Variants in DNAH2 observed in about 807,000 individuals in gnomAD.
DNAH2 encodes the protein axonemal beta dynein heavy chain 2.
In DNAH2, 323 loss-of-function variants were observed where a neutral mutation model predicts 523.5. The ratio of observed to expected loss-of-function variants is 0.62; its 90% confidence interval spans 0.56 to 0.68. DNAH2 has a LOEUF of 0.68. Ranked by LOEUF, DNAH2 falls within the 30% of genes least tolerant of loss-of-function variation. The probability of loss-of-function intolerance (pLI) is 0.00; values close to 1 mark genes in which losing one functional copy is unlikely to be tolerated. For missense variants in DNAH2, 4,907 were observed against 5,701.5 expected (o/e 0.86, Z 4.49); for synonymous variants, 2,093 against 2,177.4 (o/e 0.96, Z 1.08).
In DNAH2 at chr17:7,754,719, A is replaced by T; in HGVS notation, c.1905-2372A>T. 8.7e-7 allele frequency: 1 copy of T among 1,144,316 alleles called. No homozygotes were observed. Among genetic ancestry groups the T allele is most frequent in the Non-Finnish European group, 1.3e-6 (1 of 770,504 alleles). The allele number at this position is 1,144,316 out of a possible 1,614,324, so 70.9% of individuals were successfully genotyped here. ...CCTTGGGAAGCTTGCTCGTGCCCGC[A>T]TGGCCAAGGGGCTCAGGCTGTGCCG... On this transcript the variant is annotated intron_variant, in intron 12 of 85. Transcript: ENST00000572933. This position sits in a 1 kb window ranked among gnomAD's most constrained non-coding sequence, Gnocchi z 4.6.
intron 64 of DNAH2, 151 bp from the exon 65 acceptor site, chr17:7,817,139 A>C (rs2151322520): frequency 9.4e-7 from 1 of 1,069,322 alleles, no homozygotes. Flanking sequence ...AATTAGAACC[A>C]GGCTAGAGTT....
At chr17:7,818,871 C>T in intron 70 of DNAH2, 48 bp from the exon 71 acceptor site, 1 of 1,606,602 alleles carries the variant, frequency 6.2e-7, no homozygotes, top group African/African-American at 1.3e-5. Context: ...CCCAGGGAGC[C>T]TGGTCCCGCT....
chr17:7,805,007 A>AG lies in DNAH2; in HGVS notation c.9235dup (p.Ala3079GlyfsTer4). On this transcript the variant is annotated frameshift_variant, in exon 60 of 86. Coordinates refer to ENST00000572933, the MANE Select transcript of DNAH2 (RefSeq NM_020877.5). LOFTEE classifies it high-confidence loss of function. ...ATTGCAGTTGAGGAAATCAAGTGTC[A>AG]GGCACTGGCTGACAATGCCCAGAAA... The AG allele has an allele frequency of 5.6e-6, 9 of 1,614,204 alleles. No homozygotes were observed. The highest frequency in any genetic ancestry group is 7.6e-6 in the Non-Finnish European group (9 of 1,180,034).
At chr17:7,777,763 G>GTTCT in intron 33 of DNAH2, 129 bp downstream of exon 33, 1 of 1,206,668 alleles carries the variant, frequency 8.3e-7, no homozygotes, top group East Asian at 2.3e-5. Context: ...CCCTAATCCG[G>GTTCT]TTCTTCCTTC....
chr17:7,817,113 T>C (rs1027721048), intron 64 of DNAH2, among the ~76,000 whole-genome samples, 177 bp from the exon 65 acceptor site: 2 of 152,124 alleles, frequency 1.3e-5, no homozygotes, highest in African/African-American at 4.8e-5. Context: ...CCATTAGAGA[T>C]AGAGAACTCA....
Position 7,786,412 on chromosome 17 carries a change from C to G in DNAH2, c.6348+70C>G. The G allele has an allele frequency of 2.6e-6, 4 of 1,542,698 alleles. No homozygotes were observed. The South Asian group carries it at 4.7e-5, about 18-fold the overall frequency. ...GTAAGAAGACAATGGAGGGTGGGGG[C>G]CAGGGAGGACCTTGCAAGGCCGGGA... On this transcript the variant is annotated intron_variant, in intron 40 of 85. Transcript: ENST00000572933. This position sits in a 1 kb window ranked among gnomAD's most constrained non-coding sequence, Gnocchi z 7.5.
At position 7,833,099 on chromosome 17, in the gene DNAH2, T is replaced by C. The variant is rs754163503; in HGVS notation, c.13007T>C (p.Leu4336Pro). Residue 4336 changes from leucine to proline, a missense_variant, in exon 85 of 86, where the codon CTG (leucine) becomes CCG (proline). Transcript: ENST00000572933. ...KDGVWVRGLY[L>P]EGAGWDRKNS... ...GGTGTCTGGGTCCGGGGCCTGTACC[T>C]GGAAGGTGCTGGCTGGGACCGGAAG... is the stretch of plus-strand genomic sequence containing the variant. 6 of 1,613,230 alleles carry C rather than the reference T, an allele frequency of 3.7e-6. No homozygotes were observed. Among genetic ancestry groups the C allele is most frequent in the Middle Eastern group, 1.6e-4 (1 of 6,062 alleles).
At position 7,794,752 on chromosome 17, in the gene DNAH2, C is replaced by CTTT. The variant is rs764592403; in HGVS notation, c.7674+412_7674+414dup. On this transcript the variant is annotated intron_variant, in intron 49 of 85. Transcript: ENST00000572933. ...AGGAGAAATAATATGTTAACACTTC[C>CTTT]TTTTTTTTTTTTTTTTTTTTGAGAC... is the stretch of plus-strand genomic sequence containing the variant. 4.2e-3 allele frequency among the ~76,000 whole-genome samples: 528 copies of CTTT among 125,236 alleles called. 10 individuals carry two copies. Among genetic ancestry groups the CTTT allele is most frequent in the African/African-American group, 0.015 (488 of 33,400 alleles). The allele number at this position is 125,236 out of a possible 152,430, so 82.2% of individuals were successfully genotyped here. A position where few individuals can be genotyped will look rare whatever the true frequency, so the allele number is the denominator to read the frequency against.
In DNAH2 at chr17:7,741,232, CTCTCTCTTTCTTTCTTTCTTTCTT is replaced by C. The variant is rs1176520480; in HGVS notation, c.1689+244_1689+267del. On this transcript the variant is annotated intron_variant, in intron 11 of 85. Coordinates refer to ENST00000572933, the MANE Select transcript of DNAH2 (RefSeq NM_020877.5). ...TTCTTCCTTCCTTTCTTTTTTTTCT[CTCTCTCTTTCTTTCTTTCTTTCTT>C]TCTTTCTTTCTTTCTTTCTTTCTTT... Among the ~76,000 whole-genome samples, 16 of 119,438 alleles carry C rather than the reference CTCTCTCTTTCTTTCTTTCTTTCTT, an allele frequency of 1.3e-4. 1 individual carries two copies. The South Asian group carries it at 2.5e-3, about 18-fold the overall frequency. 78.4% of individuals were successfully genotyped at this position (119,438 alleles called of 152,430 possible).
In DNAH2 at chr17:7,824,695, G is replaced by A. The variant is rs765493665; in HGVS notation, c.11821G>A (p.Val3941Ile). The change falls in exon 77 of 86, where the codon GTC becomes ATC. Residue 3941 changes from valine (V) to isoleucine (I), a missense_variant. Physicochemically the swap from Val to Ile is conservative, Grantham distance 29. This residue lies in a region of DNAH2 where 1,851 missense variants were observed against 2,139.4 expected (regional missense o/e 0.87). Transcript: ENST00000572933. ...AGACTTCCCTATCTCAATCTTGCAG[G>A]TCAGCATCAAGATGACCACAGAGCC... Reference protein sequence around the residue: ...HPDFPISILQVSIKMTTEPPK... With the variant: ...HPDFPISILQISIKMTTEPPK... The A allele has an allele frequency of 6.3e-7, 1 of 1,590,762 alleles. No individual in the cohort carries two copies. Among genetic ancestry groups the A allele is most frequent in the Admixed American group, 1.7e-5 (1 of 58,444 alleles).
At chr17:7,815,123 T>C (rs2077623370) in intron 63 of DNAH2, among the ~76,000 whole-genome samples, 1 of 152,228 alleles carries the variant, frequency 6.6e-6, no homozygotes, top group African/African-American at 2.4e-5. Context: ...CCCTCCATGT[T>C]GTTTTAAAGA....
intron 4 of DNAH2, among the ~76,000 whole-genome samples, chr17:7,731,578 A>G (rs1469832069): frequency 6.6e-6 from 1 of 152,156 alleles, no homozygotes; most frequent in Non-Finnish European, 1.5e-5. Context: ...AAAAATATGT[A>G]GAATAATGTT....
Position 7,831,267 on chromosome 17 carries a change from C to G in DNAH2, c.12412C>G (p.Pro4138Ala). 1 of 1,614,138 alleles carries G rather than the reference C, an allele frequency of 6.2e-7. No individual in the cohort carries two copies. Among genetic ancestry groups the G allele is most frequent in the South Asian group, 1.1e-5 (1 of 91,082 alleles). Residue 4138 changes from proline (P) to alanine (A), a missense_variant, in exon 80 of 86, where the codon CCT (proline) becomes GCT (alanine). By Grantham distance (27) the Pro-to-Ala change is conservative (BLOSUM62 -1). Around this residue, in one of 3 missense-constraint regions of DNAH2, gnomAD observed 1,851 missense variants for 2,139.4 expected, o/e 0.87. Coordinates refer to ENST00000572933, the MANE Select transcript of DNAH2 (RefSeq NM_020877.5). The surrounding 1 kb of genome is among the most constrained non-coding windows in gnomAD (Gnocchi z 4.2). The stretch of plus-strand genomic sequence containing the variant: ...CTTTGATACTTTGCTTTCCTTGCAA[C>G]CTCAGATTACACCCACCAGGGCTGG... Reference protein sequence around the residue: ...TLFDTLLSLQPQITPTRAGGQ... With the variant: ...TLFDTLLSLQAQITPTRAGGQ...
chr17:7,794,475 C>A, intron 49 of DNAH2, 117 bp downstream of exon 49: 1 of 870,800 alleles, frequency 1.1e-6, no homozygotes, highest in Non-Finnish European at 1.7e-6. Context: ...GAGCTCCACG[C>A]AGGACGCTGG....
At chr17:7,764,599 C>T (rs755803017) in intron 20 of DNAH2, among the ~76,000 whole-genome samples, 3 of 150,848 alleles carry the variant, frequency 2.0e-5, no homozygotes, top group Non-Finnish European at 4.4e-5. Flanking sequence ...TAGCTGGGAA[C>T]ACAGGCACAC....
Position 7,817,817 on chromosome 17 carries a change from C to G in DNAH2, c.10197C>G (p.Ala3399=). Residue 3399 remains alanine (A), a synonymous_variant, in exon 67 of 86, where the codon GCC becomes GCG. Transcript: ENST00000572933. ...GGGCACTGATGATCGACCCTCAGGC[C>G]CAGGCCCTGAAATGGATTAAGAACA... The part of the protein sequence containing the change: ...NRWALMIDPQ[A]QALKWIKNME... 2 of 1,614,064 alleles carry G rather than the reference C, an allele frequency of 1.2e-6. No homozygotes were observed. The highest frequency in any genetic ancestry group is 1.7e-6 in the Non-Finnish European group (2 of 1,180,000).
In DNAH2 at chr17:7,831,054, A is replaced by C; in HGVS notation, c.12231-32A>C. On this transcript the variant is annotated intron_variant, in intron 79 of 85. Transcript: ENST00000572933. The surrounding 1 kb of genome is among the most constrained non-coding windows in gnomAD (Gnocchi z 4.2). ...CTGGCATTGAGGGCTGAGTCCCCAC[A>C]ATGTGGCAGTAATTATGCTATGACT... is the stretch of plus-strand genomic sequence containing the variant. 6.2e-7 allele frequency: 1 copy of C among 1,601,698 alleles called. No individual in the cohort carries two copies. Among genetic ancestry groups the C allele is most frequent in the Non-Finnish European group, 8.5e-7 (1 of 1,174,054 alleles).
intron 77 of DNAH2, among the ~76,000 whole-genome samples, chr17:7,824,959 C>T (rs368516340): frequency 6.6e-6 from 1 of 152,126 alleles, no homozygotes; most frequent in African/African-American, 2.4e-5. Context: ...CATTTATTAA[C>T]TCGTTTAATA....
intron 11 of DNAH2, 49 bp from the exon 12 acceptor site, chr17:7,742,879 G>GC: frequency 1.6e-6 from 2 of 1,269,642 alleles, no homozygotes; most frequent in Non-Finnish European, 1.0e-6. Flanking sequence ...GGTGGCCCCT[G>GC]GAGGAAGGTG....
Sources: allele counts gnomAD v4.1 joint callset (sites outside exome capture counted in the v4.1 genomes callset), GRCh38; gene constraint gnomAD v4.1.1; regional missense constraint gnomAD v4.1.1; non-coding constraint Gnocchi (gnomAD v3.1); transcripts MANE v1.5; gene names NCBI Gene and HGNC (gene_info 2026-07-23, HGNC 2026-07-21).